Variants in WWOX observed in about 807,000 individuals in gnomAD.
The protein encoded by WWOX is WW domain containing oxidoreductase.
WWOX carries 69 observed loss-of-function variants against 46.2 expected under a neutral mutation model. The ratio of observed to expected loss-of-function variants is 1.49; its 90% confidence interval spans 1.23 to 1.82. The LOEUF (loss-of-function observed/expected upper bound fraction) is 1.82, where lower values mean the gene tolerates loss of function less well. Ranked by LOEUF, WWOX falls within the 40% of genes most tolerant of loss-of-function variation. The pLI, the probability that WWOX is intolerant of heterozygous loss-of-function variation, is 0.00. For missense variants in WWOX, 919 were observed against 542.6 expected (o/e 1.69, Z -6.89); for synonymous variants, 359 against 202.6 (o/e 1.77, Z -6.56).
chr16:78,644,383 T>C (rs2142123768), intron 8 of WWOX, among the ~76,000 whole-genome samples: 1 of 152,252 alleles, frequency 6.6e-6, no homozygotes, highest in East Asian at 1.9e-4. Flanking sequence ...TAATTATTTC[T>C]AGAATGACTT....
intron 8 of WWOX, among the ~76,000 whole-genome samples, chr16:78,850,746 A>G (rs953138831): frequency 6.6e-6 from 1 of 152,162 alleles, no homozygotes; most frequent in Non-Finnish European, 1.5e-5. Context: ...GCTCAATTCA[A>G]AAAAGAACCC....
At chr16:78,580,715 A>G (rs1181206261) in intron 8 of WWOX, among the ~76,000 whole-genome samples, 3 of 152,340 alleles carry the variant, frequency 2.0e-5, no homozygotes, top group Admixed American at 6.5e-5. Context: ...AGCTCCACGA[A>G]TACTGCAGTG....
intron 8 of WWOX, among the ~76,000 whole-genome samples, chr16:78,462,433 C>T (rs1364203779): frequency 2.0e-5 from 3 of 152,164 alleles, no homozygotes; most frequent in African/African-American, 4.8e-5. Flanking sequence ...TTGCAGCGCA[C>T]TTGCCAGCAT....
chr16:78,456,588 C>T (rs1378824668), intron 8 of WWOX, among the ~76,000 whole-genome samples: 2 of 151,988 alleles, frequency 1.3e-5, no homozygotes, highest in African/African-American at 4.8e-5. Context: ...TTTTTTTCTT[C>T]TGATGGGTAT....
chr16:79,005,311 C>G (rs76753875), intron 8 of WWOX, among the ~76,000 whole-genome samples: 1,887 of 152,254 alleles, frequency 0.012, 22 homozygotes, highest in Middle Eastern at 0.027. Flanking sequence ...ATGCAACACA[C>G]AGTTTCCTAG....
intron 8 of WWOX, among the ~76,000 whole-genome samples, chr16:78,942,417 A>C (rs1342332187): frequency 6.6e-6 from 1 of 152,156 alleles, no homozygotes; most frequent in Non-Finnish European, 1.5e-5. Flanking sequence ...TTTTGAGGAC[A>C]CACTGTAAAA....
At chr16:78,649,279 C>G (rs572056164) in intron 8 of WWOX, among the ~76,000 whole-genome samples, 116 of 152,258 alleles carry the variant, frequency 7.6e-4, no homozygotes, top group South Asian at 1.2e-3. Flanking sequence ...GCCACCGTGA[C>G]TGACCTGTTT....
intron 8 of WWOX, among the ~76,000 whole-genome samples, chr16:78,528,138 A>G (rs376318138): frequency 4.3e-5 from 6 of 139,636 alleles, no homozygotes; most frequent in African/African-American, 1.4e-4. Context: ...AGCTGGGACT[A>G]CAGGTGCCCG....
intron 1 of WWOX, 55 bp from the exon 2 acceptor site, chr16:78,108,367 AC>A: frequency 1.9e-6 from 3 of 1,549,066 alleles, no homozygotes; most frequent in Non-Finnish European, 2.7e-6. Context: ...ACAATTGATT[AC>A]TTTTTAGAAG....
intron 8 of WWOX, among the ~76,000 whole-genome samples, chr16:78,878,169 G>A (rs2044271291): frequency 6.6e-6 from 1 of 152,174 alleles, no homozygotes; most frequent in Admixed American, 6.5e-5. Flanking sequence ...CCGAGGTGGT[G>A]CTGCATGCTA....
At chr16:78,707,869 A>G (rs2048356720) in intron 8 of WWOX, among the ~76,000 whole-genome samples, 1 of 151,530 alleles carries the variant, frequency 6.6e-6, no homozygotes, top group South Asian at 2.1e-4. Flanking sequence ...AAATAAATAA[A>G]TAAATAAATA....
At chr16:78,116,895 T>C (rs2032823030) in intron 4 of WWOX, among the ~76,000 whole-genome samples, 1 of 152,218 alleles carries the variant, frequency 6.6e-6, no homozygotes. Flanking sequence ...GTGTTCGAAC[T>C]GCTCCATGTG....
rs76826877 is a variant in WWOX at position 78,754,213 on chromosome 16, G to A, written c.1056+321461G>A. Among the ~76,000 whole-genome samples, 15 of 152,150 alleles carry A rather than the reference G, an allele frequency of 9.9e-5. No homozygotes were observed. In the East Asian group the frequency reaches 2.3e-3, roughly 24 times the overall value. ...TTCTCTGTCTTCACTCGGTGAGGAT[G>A]GACTTTAGGATGCCTCACTTCTCTT... On this transcript the variant is annotated intron_variant, in intron 8 of 8. Coordinates refer to ENST00000566780, the MANE Select transcript of WWOX (RefSeq NM_016373.4).
intron 8 of WWOX, among the ~76,000 whole-genome samples, chr16:79,032,324 T>C (rs1303887716): frequency 6.9e-6 from 1 of 144,214 alleles, no homozygotes; most frequent in Non-Finnish European, 1.5e-5. Context: ...GTAGTCTATA[T>C]ATTATATTAT....
chr16:79,005,570 C>T (rs762093109), intron 8 of WWOX, among the ~76,000 whole-genome samples: 1 of 152,100 alleles, frequency 6.6e-6, no homozygotes, highest in South Asian at 2.1e-4. Flanking sequence ...TTCCTGGCAA[C>T]CTTTGGTGTT....
chr16:78,127,014 C>T (rs2033390310), intron 4 of WWOX, among the ~76,000 whole-genome samples: 1 of 152,170 alleles, frequency 6.6e-6, no homozygotes, highest in African/African-American at 2.4e-5. Context: ...ACAGTTAGGG[C>T]AAGCTTCATT....
intron 8 of WWOX, among the ~76,000 whole-genome samples, chr16:78,861,249 C>G (rs948587172): frequency 6.6e-6 from 1 of 152,204 alleles, no homozygotes; most frequent in Non-Finnish European, 1.5e-5. Context: ...AGAATTGACT[C>G]CCTCTGCCTG....
At chr16:78,633,393 C>T (rs957303281) in intron 8 of WWOX, among the ~76,000 whole-genome samples, 1 of 152,174 alleles carries the variant, frequency 6.6e-6, no homozygotes, top group Non-Finnish European at 1.5e-5. Flanking sequence ...ATTTTTCATT[C>T]ACCCCTCCCT....
At chr16:78,445,088 G>A (rs1411940131) in intron 8 of WWOX, among the ~76,000 whole-genome samples, 1 of 151,984 alleles carries the variant, frequency 6.6e-6, no homozygotes, top group Admixed American at 6.5e-5. Context: ...TCTGTGAAAT[G>A]CAGACCTTTC....
Sources: allele counts gnomAD v4.1 joint callset (sites outside exome capture counted in the v4.1 genomes callset), GRCh38; gene constraint gnomAD v4.1.1; transcripts MANE v1.5; gene names NCBI Gene and HGNC (gene_info 2026-07-23, HGNC 2026-07-21).